Variants in KCNIP4 observed in about 807,000 individuals in gnomAD.
KCNIP4 encodes the protein potassium voltage-gated channel interacting protein 4.
KCNIP4 carries 12 observed loss-of-function variants against 34.0 expected under a neutral mutation model. That is an observed-to-expected ratio of 0.35 (90% CI 0.23 to 0.57). The LOEUF (loss-of-function observed/expected upper bound fraction) is 0.57, where lower values mean the gene tolerates loss of function less well. Among genes scored for constraint, KCNIP4 ranks in the 20% least tolerant of loss-of-function variants. The probability of loss-of-function intolerance (pLI) is 0.83; values close to 1 mark genes in which losing one functional copy is unlikely to be tolerated. For missense variants in KCNIP4, 238 were observed against 311.7 expected (o/e 0.76, Z 1.78); for synonymous variants, 124 against 102.2 (o/e 1.21, Z -1.29).
At chr4:21,207,640 C>G (rs951199457) in intron 1 of KCNIP4, among the ~76,000 whole-genome samples, 2 of 152,128 alleles carry the variant, frequency 1.3e-5, no homozygotes, top group Non-Finnish European at 2.9e-5. Flanking sequence ...CTTTGTTAAT[C>G]TCTCTGATGT....
intron 1 of KCNIP4, among the ~76,000 whole-genome samples, chr4:21,914,963 G>A (rs565115246): frequency 1.4e-4 from 21 of 151,638 alleles, no homozygotes; most frequent in African/African-American, 5.1e-4. Context: ...CTTTTTTTTG[G>A]AGACACACAA....
intron 1 of KCNIP4, among the ~76,000 whole-genome samples, chr4:21,699,740 G>C (rs1175049951): frequency 6.6e-6 from 1 of 152,138 alleles, no homozygotes; most frequent in Non-Finnish European, 1.5e-5. Flanking sequence ...AAAGTCCGGG[G>C]CTACAGTATG....
At chr4:21,419,579 G>C (rs894114645) in intron 1 of KCNIP4, among the ~76,000 whole-genome samples, 1 of 152,204 alleles carries the variant, frequency 6.6e-6, no homozygotes, top group East Asian at 1.9e-4. Context: ...TGTAGGTACA[G>C]TACTTAGTAT....
chr4:21,224,149 C>T (rs1321784769), intron 1 of KCNIP4, among the ~76,000 whole-genome samples: 2 of 152,022 alleles, frequency 1.3e-5, no homozygotes, highest in South Asian at 2.1e-4. Flanking sequence ...GTGTTGTCCC[C>T]GTCTCCATCA....
At chr4:21,190,743 A>T (rs1755580380) in intron 1 of KCNIP4, among the ~76,000 whole-genome samples, 1 of 151,280 alleles carries the variant, frequency 6.6e-6, no homozygotes, top group Admixed American at 6.6e-5. Flanking sequence ...AGAAGAAAGA[A>T]ACTCTAATGG....
intron 1 of KCNIP4, among the ~76,000 whole-genome samples, chr4:21,816,854 C>T (rs1722019490): frequency 6.6e-6 from 1 of 152,148 alleles, no homozygotes; most frequent in Non-Finnish European, 1.5e-5. Context: ...GGTTCTGTCA[C>T]CACCAGCTTG....
intron 1 of KCNIP4, among the ~76,000 whole-genome samples, chr4:21,419,056 C>T (rs1725217332): frequency 6.6e-6 from 1 of 152,170 alleles, no homozygotes; most frequent in South Asian, 2.1e-4. Context: ...CGGGAGTTTT[C>T]ACCTGTCCTC....
chr4:21,253,972 T>C (rs1760892009), intron 1 of KCNIP4, among the ~76,000 whole-genome samples: 1 of 152,190 alleles, frequency 6.6e-6, no homozygotes, highest in African/African-American at 2.4e-5. Flanking sequence ...TGCAATTCCA[T>C]TTATATGAAA....
chr4:21,420,567 G>C (rs1327226440), intron 1 of KCNIP4, among the ~76,000 whole-genome samples: 1 of 152,140 alleles, frequency 6.6e-6, no homozygotes, highest in Non-Finnish European at 1.5e-5. Context: ...TCTTTGCAGT[G>C]TTCTTTATCA....
At chr4:21,401,942 G>C (rs1322411560) in intron 1 of KCNIP4, among the ~76,000 whole-genome samples, 1 of 152,144 alleles carries the variant, frequency 6.6e-6, no homozygotes, top group Non-Finnish European at 1.5e-5. Context: ...TGAAAGAATG[G>C]TGCTGATTTT....
intron 5 of KCNIP4, among the ~76,000 whole-genome samples, chr4:20,747,889 C>T (rs1478710852): frequency 1.3e-5 from 2 of 152,190 alleles, no homozygotes; most frequent in Non-Finnish European, 2.9e-5. Context: ...AGCCATTTCA[C>T]CCAGATAGCT....
chr4:21,268,104 AACAACCCCACAGCTAAATTTT>A (rs1207844751), intron 1 of KCNIP4, among the ~76,000 whole-genome samples: 1 of 152,190 alleles, frequency 6.6e-6, no homozygotes, highest in Non-Finnish European at 1.5e-5. Flanking sequence ...TGTACAATAT[AACAACCCCACAGCTAAATTTT>A]ACAACATTAT....
chr4:21,182,583 C>G (rs1302704347), intron 1 of KCNIP4, among the ~76,000 whole-genome samples: 1 of 151,772 alleles, frequency 6.6e-6, no homozygotes, highest in East Asian at 1.9e-4. Context: ...TACATTGTAC[C>G]CATTAAGTAA....
At position 20,768,403 on chromosome 4, in the gene KCNIP4, GA is replaced by G. The variant is rs1469021657; in HGVS notation, c.289-9514del. 2.0e-5 allele frequency among the ~76,000 whole-genome samples: 3 copies of G among 152,076 alleles called. No individual in the cohort carries two copies. In the East Asian group the frequency reaches 5.8e-4, roughly 29 times the overall value. ...ATTAAGGGGAGATGGCTAGGATCAAGAAAAACACTTCTTATTTCAACATAAA... is the reference window on the plus strand; with the variant it reads ...ATTAAGGGGAGATGGCTAGGATCAAGAAAACACTTCTTATTTCAACATAAA... On this transcript the variant is annotated intron_variant, in intron 3 of 8. Coordinates refer to ENST00000382152, the MANE Select transcript of KCNIP4 (RefSeq NM_025221.6).
intron 1 of KCNIP4, among the ~76,000 whole-genome samples, chr4:21,672,103 A>AG (rs1220543018): frequency 6.6e-6 from 1 of 152,146 alleles, no homozygotes; most frequent in African/African-American, 2.4e-5. Flanking sequence ...GGACACAAGG[A>AG]GGGGAACATC....
chr4:21,330,748 C>G (rs1197011363), intron 1 of KCNIP4, among the ~76,000 whole-genome samples: 1 of 152,170 alleles, frequency 6.6e-6, no homozygotes, highest in Non-Finnish European at 1.5e-5. Context: ...CTTGCTTACT[C>G]TTACCTCAAG....
intron 1 of KCNIP4, among the ~76,000 whole-genome samples, chr4:21,764,009 G>A (rs1244074692): frequency 2.0e-5 from 3 of 152,088 alleles, no homozygotes; most frequent in Non-Finnish European, 2.9e-5. Context: ...AGATCATTTG[G>A]TCTAAATGTG....
At chr4:21,943,049 A>G (rs911379484) in intron 1 of KCNIP4, among the ~76,000 whole-genome samples, 3 of 152,160 alleles carry the variant, frequency 2.0e-5, no homozygotes, top group Non-Finnish European at 2.9e-5. Context: ...GTGAGCCACC[A>G]TTCCTGGTCT....
chr4:21,459,368 C>G (rs545416014), intron 1 of KCNIP4, among the ~76,000 whole-genome samples: 17 of 152,164 alleles, frequency 1.1e-4, no homozygotes, highest in African/African-American at 4.1e-4. Context: ...TTTCCTATTT[C>G]TTCCCTTGTT....
Sources: gnomAD v4.1 joint callset for allele counts (sites outside exome capture counted in the v4.1 genomes callset) on GRCh38, gnomAD v4.1.1 for gene constraint, MANE v1.5 for transcripts, NCBI Gene and HGNC (gene_info 2026-07-23, HGNC 2026-07-21) for gene names.